VEGFC: variants seen among roughly 807,000 people sequenced by gnomAD.
VEGFC encodes the protein FLT4 ligand DHM.
A neutral mutation model predicts 46.1 loss-of-function variants in VEGFC; 12 were observed. The observed-to-expected ratio is 0.26, with a 90% CI of 0.17 to 0.42. The LOEUF is 0.42. VEGFC is among the 10% of genes least tolerant of loss of function. The pLI, the probability that VEGFC is intolerant of heterozygous loss-of-function variation, is 1.00. For synonymous variants in VEGFC, 232 were observed against 195.5 expected, an observed-to-expected ratio of 1.19 and a Z score of -1.56; for missense variants, 488 against 529.4, an observed-to-expected ratio of 0.92 and a Z score of 0.77.
chr4:176,686,252 G>A lies in VEGFC; in HGVS notation c.1145+935C>T, dbSNP rs923150602. On this transcript the variant is annotated intron_variant, in intron 6 of 6. Coordinates refer to ENST00000618562, the MANE Select transcript of VEGFC (RefSeq NM_005429.5). ...TTGGCAACTATGAGGCCAATGAAAC[G>A]TTAAACAGAGGTTTAACATAGCACT... Among the ~76,000 whole-genome samples, 5 of 152,138 alleles carry A rather than the reference G, an allele frequency of 3.3e-5. No homozygotes were observed. In the South Asian group the frequency reaches 6.2e-4, roughly 19 times the overall value.
chr4:176,687,571 T>C, intron 5 of VEGFC, 51 bp from the exon 6 acceptor site: 1 of 1,459,302 alleles, frequency 6.9e-7, no homozygotes, highest in South Asian at 1.4e-5. Flanking sequence ...GTTCTGGGTG[T>C]GGCATGAAAC....
chr4:176,700,155 G>A (rs1271410524), intron 4 of VEGFC, among the ~76,000 whole-genome samples: 4 of 152,342 alleles, frequency 2.6e-5, no homozygotes, highest in Middle Eastern at 3.4e-3. Context: ...GGTGGCTTAC[G>A]CCTGTAATCC....
intron 4 of VEGFC, among the ~76,000 whole-genome samples, chr4:176,701,973 T>A (rs1379805371): frequency 6.6e-6 from 1 of 152,178 alleles, no homozygotes; most frequent in Non-Finnish European, 1.5e-5. Context: ...AGCAATAATG[T>A]ATAACCTTCA....
Position 176,761,196 on chromosome 4 carries a change from T to G in VEGFC, c.147+30969A>C, listed in dbSNP as rs138263521. Among the ~76,000 whole-genome samples, 633 of 152,344 alleles carry G rather than the reference T, an allele frequency of 4.2e-3. 4 individuals carry two copies. Among genetic ancestry groups the G allele is most frequent in the African/African-American group, 0.013 (561 of 41,580 alleles). On this transcript the variant is annotated intron_variant, in intron 1 of 6. Coordinates refer to ENST00000618562, the MANE Select transcript of VEGFC (RefSeq NM_005429.5). ...GATGTACTCATATATTTACCTTTAC[T>G]TGCAATACCTTTTCTCTCAAGTACA...
intron 1 of VEGFC, among the ~76,000 whole-genome samples, chr4:176,737,332 T>C (rs1468832800): frequency 6.8e-6 from 1 of 147,048 alleles, no homozygotes; most frequent in East Asian, 2.0e-4. Flanking sequence ...ATATTTATAA[T>C]ATATAAATAC....
intron 4 of VEGFC, among the ~76,000 whole-genome samples, chr4:176,697,175 A>G (rs1450153699): frequency 6.6e-6 from 1 of 151,870 alleles, no homozygotes; most frequent in Non-Finnish European, 1.5e-5. Context: ...AGCAAAAGAA[A>G]CTACCATCAG....
At chr4:176,719,441 T>C (rs761846448) in intron 3 of VEGFC, among the ~76,000 whole-genome samples, 13 of 152,190 alleles carry the variant, frequency 8.5e-5, no homozygotes, top group South Asian at 2.1e-4. Flanking sequence ...AGCTGCTACT[T>C]AAGTACACGT....
chr4:176,786,615 G>A (rs186996957), intron 1 of VEGFC, among the ~76,000 whole-genome samples: 165 of 152,260 alleles, frequency 1.1e-3, no homozygotes, highest in Non-Finnish European at 1.9e-3. Context: ...TTTTTAATGA[G>A]TAAATTTATT....
intron 1 of VEGFC, among the ~76,000 whole-genome samples, chr4:176,767,123 T>TAAAAAAAAA (rs70964805): frequency 2.8e-4 from 14 of 50,454 alleles, no homozygotes; most frequent in East Asian, 7.8e-4. Context: ...TGTAGAAATC[T>TAAAAAAAAA]AAAAAAAAAA....
At chr4:176,740,420 T>C (rs1167874993) in intron 1 of VEGFC, among the ~76,000 whole-genome samples, 1 of 51,406 alleles carries the variant, frequency 1.9e-5, no homozygotes, top group Admixed American at 3.5e-4. Context: ...ATATATTCTA[T>C]ATATAGTTAT....
Position 176,774,472 on chromosome 4 carries a change from G to A in VEGFC, c.147+17693C>T, listed in dbSNP as rs570489678. On this transcript the variant is annotated intron_variant, in intron 1 of 6. Transcript: ENST00000618562. Reference sequence around the variant, plus strand: ...ATTATTTCGTTATGCTAATTACACAGTCTATGTGTTTGGAGTCTGTTAAAT... The same window carrying A: ...ATTATTTCGTTATGCTAATTACACAATCTATGTGTTTGGAGTCTGTTAAAT... 2.0e-5 allele frequency among the ~76,000 whole-genome samples: 3 copies of A among 152,298 alleles called. No homozygotes were observed. The South Asian group carries it at 6.2e-4, about 32-fold the overall frequency.
chr4:176,755,913 G>A (rs1298295161), intron 1 of VEGFC, among the ~76,000 whole-genome samples: 4 of 151,936 alleles, frequency 2.6e-5, no homozygotes, highest in Non-Finnish European at 5.9e-5. Context: ...TTACAGTAAT[G>A]ATTTATTATA....
intron 1 of VEGFC, among the ~76,000 whole-genome samples, chr4:176,783,729 T>C (rs11131756): frequency 0.71 from 107,659 of 152,066 alleles, 44,106 homozygotes; most frequent in East Asian, 0.99. Context: ...GAACATATTA[T>C]AGGCAGAACT....
intron 1 of VEGFC, among the ~76,000 whole-genome samples, chr4:176,738,010 C>T (rs1294949505): frequency 6.6e-6 from 1 of 151,788 alleles, no homozygotes; most frequent in Non-Finnish European, 1.5e-5. Context: ...AGTGAAAGAC[C>T]TCTTCAAGGA....
At chr4:176,697,737 A>T (rs1233063788) in intron 4 of VEGFC, among the ~76,000 whole-genome samples, 1 of 145,270 alleles carries the variant, frequency 6.9e-6, no homozygotes, top group Non-Finnish European at 1.5e-5. Context: ...AACCAACCCA[A>T]ATGTCCAACA....
In VEGFC at chr4:176,683,855, C is replaced by T. The variant is rs1021207404; in HGVS notation, c.*71G>A. The T allele has an allele frequency of 2.6e-5, 33 of 1,291,540 alleles. No individual in the cohort carries two copies. The highest frequency in any genetic ancestry group is 3.7e-5 in the Non-Finnish European group (33 of 889,664). 80.0% of individuals were successfully genotyped at this position (1,291,540 alleles called of 1,614,324 possible). On this transcript the variant is annotated 3_prime_UTR_variant, in exon 7 of 7. Transcript: ENST00000618562. ...ATGGACCCACAAGGGTCTCTCTGTT[C>T]ACAGACAGTTCTACTGTGGCAACAC...
chr4:176,771,111 T>C (rs1271897539), intron 1 of VEGFC, among the ~76,000 whole-genome samples: 1 of 152,200 alleles, frequency 6.6e-6, no homozygotes, highest in Admixed American at 6.6e-5. Context: ...ACCTGGTTTT[T>C]GCTAGTACAG....
chr4:176,714,343 C>T (rs1238463749), intron 3 of VEGFC, among the ~76,000 whole-genome samples: 1 of 152,184 alleles, frequency 6.6e-6, no homozygotes, highest in Non-Finnish European at 1.5e-5. Flanking sequence ...GACACACCAG[C>T]GCCCCCTTCC....
chr4:176,734,433 GTT>G (rs1223284577), intron 1 of VEGFC, among the ~76,000 whole-genome samples: 1 of 151,794 alleles, frequency 6.6e-6, no homozygotes, highest in Non-Finnish European at 1.5e-5. Context: ...TTAGCACTGA[GTT>G]TGTTCCACTA....
Sources: allele counts gnomAD v4.1 joint callset (sites outside exome capture counted in the v4.1 genomes callset), GRCh38; gene constraint gnomAD v4.1.1; transcripts MANE v1.5; gene names NCBI Gene and HGNC (gene_info 2026-07-23, HGNC 2026-07-21).